The following MACROD2 variants were observed in gnomAD, a reference collection of about 807,000 sequenced individuals.
MACROD2 encodes the protein mono-ADP ribosylhydrolase 2, also known as ADP-ribose glycohydrolase MACROD2.
A neutral mutation model predicts 70.4 loss-of-function variants in MACROD2; 36 were observed. The observed-to-expected ratio is 0.51, with a 90% CI of 0.39 to 0.68. The LOEUF (loss-of-function observed/expected upper bound fraction) is 0.68, where lower values mean the gene tolerates loss of function less well. MACROD2 is among the 30% of genes least tolerant of loss of function. The probability of loss-of-function intolerance (pLI) is 0.00; values close to 1 mark genes in which losing one functional copy is unlikely to be tolerated. For synonymous variants in MACROD2, 172 were observed against 178.8 expected (o/e 0.96, Z 0.30); for missense variants, 496 against 538.4 (o/e 0.92, Z 0.78).
intron 3 of MACROD2, among the ~76,000 whole-genome samples, chr20:14,234,132 A>G (rs1278796832): frequency 1.3e-5 from 2 of 152,222 alleles, no homozygotes; most frequent in Non-Finnish European, 2.9e-5. Flanking sequence ...AATAGGGCCA[A>G]CTTTGGACAG....
intron 10 of MACROD2, among the ~76,000 whole-genome samples, chr20:15,899,318 A>G (rs1187387320): frequency 6.6e-6 from 1 of 152,126 alleles, no homozygotes; most frequent in African/African-American, 2.4e-5. Flanking sequence ...ATATATACAT[A>G]TATACATATA....
chr20:15,909,514 ATTTTTTT>A (rs10617621), intron 10 of MACROD2, among the ~76,000 whole-genome samples: 3 of 70,812 alleles, frequency 4.2e-5, no homozygotes, highest in Non-Finnish European at 7.4e-5. Flanking sequence ...ACATAATACA[ATTTTTTT>A]TTTTTTTTTT....
intron 5 of MACROD2, chr20:15,021,635 G>A (rs1278123897): frequency 1.3e-5 from 2 of 151,650 alleles, no homozygotes; most frequent in Non-Finnish European, 2.9e-5. Flanking sequence ...TCCAATTTTA[G>A]TATATGTGTT....
chr20:15,951,332 C>CACAT (rs1357520077), intron 12 of MACROD2, among the ~76,000 whole-genome samples: 2 of 151,428 alleles, frequency 1.3e-5, no homozygotes, highest in East Asian at 1.9e-4. Context: ...CACACACACA[C>CACAT]ACACACACAC....
intron 15 of MACROD2, among the ~76,000 whole-genome samples, chr20:16,035,113 A>AATATAAT (rs2067209368): frequency 1.3e-5 from 1 of 77,128 alleles, no homozygotes; most frequent in African/African-American, 8.3e-5. Context: ...TTATATATAA[A>AATATAAT]ATATAATATA....
chr20:15,745,183 T>G (rs2051164116), intron 8 of MACROD2, among the ~76,000 whole-genome samples: 1 of 152,234 alleles, frequency 6.6e-6, no homozygotes, highest in Non-Finnish European at 1.5e-5. Flanking sequence ...AATATAAATA[T>G]TCTTGCTGTG....
intron 5 of MACROD2, among the ~76,000 whole-genome samples, chr20:15,015,688 A>G (rs1188455434): frequency 1.3e-5 from 2 of 152,232 alleles, no homozygotes; most frequent in African/African-American, 4.8e-5. Context: ...GTATCTTCAC[A>G]TTTTTAAAAC....
chr20:14,449,115 GT>G lies in MACROD2; in HGVS notation c.272-44355del, dbSNP rs370812648. Reference sequence around the variant, plus strand: ...CCATTAGCTTGCTTTAACTAAGAAGGTTTTTTTTTCCTGTGCTTTTTTTACC... The same window carrying G: ...CCATTAGCTTGCTTTAACTAAGAAGGTTTTTTTTCCTGTGCTTTTTTTACC... On this transcript the variant is annotated intron_variant, in intron 3 of 17. Coordinates refer to ENST00000684519, the MANE Select transcript of MACROD2 (RefSeq NM_001351661.2). Among the ~76,000 whole-genome samples, 8 of 150,378 alleles carry G rather than the reference GT, an allele frequency of 5.3e-5. No individual in the cohort carries two copies. In the East Asian group the frequency reaches 5.8e-4, roughly 11 times the overall value.
intron 1 of MACROD2, among the ~76,000 whole-genome samples, chr20:13,998,417 T>A (rs1273521490): frequency 6.6e-6 from 1 of 152,208 alleles, no homozygotes; most frequent in Admixed American, 6.5e-5. Context: ...AGGTTGCATT[T>A]CTGTATGTAC....
intron 5 of MACROD2, among the ~76,000 whole-genome samples, chr20:15,109,635 C>T (rs2075939315): frequency 6.6e-6 from 1 of 152,044 alleles, no homozygotes; most frequent in Admixed American, 6.6e-5. Flanking sequence ...AGCAGCTGAA[C>T]AAATAAAACG....
At chr20:14,486,805 C>T (rs1415692492) in intron 3 of MACROD2, among the ~76,000 whole-genome samples, 2 of 152,146 alleles carry the variant, frequency 1.3e-5, no homozygotes, top group African/African-American at 2.4e-5. Context: ...AGGTATGAGA[C>T]ACCATGCCCA....
intron 7 of MACROD2, among the ~76,000 whole-genome samples, chr20:15,467,097 A>T (rs143453144): frequency 2.6e-4 from 40 of 152,302 alleles, no homozygotes; most frequent in Non-Finnish European, 5.3e-4. Flanking sequence ...CTATGAAGGC[A>T]TTCTCTGGCT....
At chr20:14,347,578 A>G (rs2083076879) in intron 3 of MACROD2, among the ~76,000 whole-genome samples, 1 of 152,144 alleles carries the variant, frequency 6.6e-6, no homozygotes. Flanking sequence ...AATCCTGCTG[A>G]TTTCCATCTT....
At chr20:14,921,587 A>G (rs763480213) in intron 5 of MACROD2, among the ~76,000 whole-genome samples, 5 of 152,200 alleles carry the variant, frequency 3.3e-5, no homozygotes, top group Non-Finnish European at 7.4e-5. Flanking sequence ...TCTGCTCCAG[A>G]TGCTGTGATG....
In MACROD2 at chr20:15,309,695, A is replaced by G. The variant is rs767445655; in HGVS notation, c.540+79634A>G. 1.7e-4 allele frequency among the ~76,000 whole-genome samples: 26 copies of G among 152,346 alleles called. No individual in the cohort carries two copies. In the South Asian group the frequency reaches 2.3e-3, roughly 13 times the overall value. On this transcript the variant is annotated intron_variant, in intron 6 of 17. Coordinates refer to ENST00000684519, the MANE Select transcript of MACROD2 (RefSeq NM_001351661.2). The stretch of plus-strand genomic sequence containing the variant: ...GAATATCTCTGCCTTAGGAGGAAAC[A>G]GACATGAGACAAATAAAATATTATA...
chr20:14,378,444 C>T (rs193236790), intron 3 of MACROD2, among the ~76,000 whole-genome samples: 1 of 152,138 alleles, frequency 6.6e-6, no homozygotes, highest in Non-Finnish European at 1.5e-5. Flanking sequence ...AAGGCCCATC[C>T]TTCTTGCTTC....
intron 3 of MACROD2, among the ~76,000 whole-genome samples, chr20:14,399,334 G>T (rs1163260425): frequency 1.3e-5 from 2 of 152,006 alleles, no homozygotes; most frequent in African/African-American, 4.8e-5. Flanking sequence ...TTTTTAAAAA[G>T]ACATTTTACT....
intron 5 of MACROD2, among the ~76,000 whole-genome samples, chr20:14,866,457 A>T (rs781687027): frequency 2.0e-5 from 3 of 152,112 alleles, no homozygotes; most frequent in Non-Finnish European, 2.9e-5. Flanking sequence ...AACCTTCTCA[A>T]TGCTATAGAT....
At chr20:15,077,455 A>C (rs1051170815) in intron 5 of MACROD2, among the ~76,000 whole-genome samples, 4 of 152,188 alleles carry the variant, frequency 2.6e-5, no homozygotes, top group Non-Finnish European at 5.9e-5. Flanking sequence ...AGGAGATAAT[A>C]TATGTGAAAG....
Sources: gnomAD v4.1 joint callset for allele counts (sites outside exome capture counted in the v4.1 genomes callset) on GRCh38, gnomAD v4.1.1 for gene constraint, MANE v1.5 for transcripts, NCBI Gene and HGNC (gene_info 2026-07-23, HGNC 2026-07-21) for gene names.